The following DOCK3 variants were observed in gnomAD, a reference collection of about 807,000 sequenced individuals.
The protein encoded by DOCK3 is dedicator of cytokinesis 3.
DOCK3 carries 60 observed loss-of-function variants against 265.6 expected under a neutral mutation model. That is an observed-to-expected ratio of 0.23 (90% CI 0.18 to 0.28). The LOEUF (loss-of-function observed/expected upper bound fraction) is 0.28, where lower values mean the gene tolerates loss of function less well. Among genes scored for constraint, DOCK3 ranks in the 10% least tolerant of loss-of-function variants. DOCK3 has a pLI of 1.00. For synonymous variants in DOCK3, 881 were observed against 938.0 expected, an observed-to-expected ratio of 0.94 and a Z score of 1.11; for missense variants, 1,981 against 2,594.3, an observed-to-expected ratio of 0.76 and a Z score of 5.14.
intron 23 of DOCK3, among the ~76,000 whole-genome samples, chr3:51,263,059 A>T (rs1456565701): frequency 1.3e-5 from 2 of 152,226 alleles, no homozygotes; most frequent in Non-Finnish European, 2.9e-5. Flanking sequence ...AAATTCAGGA[A>T]ATACAGAGAA....
chr3:51,258,787 C>G (rs750163763), intron 22 of DOCK3, among the ~76,000 whole-genome samples: 1 of 152,178 alleles, frequency 6.6e-6, no homozygotes, highest in Non-Finnish European at 1.5e-5. Flanking sequence ...CTTAATCATA[C>G]AAAACCAAAA....
At chr3:50,776,877 T>A (rs1395420036) in intron 1 of DOCK3, among the ~76,000 whole-genome samples, 1 of 152,144 alleles carries the variant, frequency 6.6e-6, no homozygotes, top group Non-Finnish European at 1.5e-5. Context: ...TACCCAAGAC[T>A]GGGCAATTTA....
chr3:51,010,019 AG>A (rs1401166014), intron 5 of DOCK3, among the ~76,000 whole-genome samples: 2 of 152,198 alleles, frequency 1.3e-5, no homozygotes, highest in African/African-American at 4.8e-5. Context: ...ACATTTGCTG[AG>A]GAGTGCTTTA....
chr3:51,303,449 C>T (rs2082467976), intron 27 of DOCK3, among the ~76,000 whole-genome samples: 2 of 152,186 alleles, frequency 1.3e-5, no homozygotes, highest in East Asian at 3.8e-4. Flanking sequence ...GTTCTTTGCC[C>T]TTGCTGGAGA....
At chr3:51,224,533 G>A (rs540477653) in intron 14 of DOCK3, among the ~76,000 whole-genome samples, 23 of 152,274 alleles carry the variant, frequency 1.5e-4, no homozygotes, top group Middle Eastern at 3.4e-3. Flanking sequence ...ATGATTCCAG[G>A]TGGTAACATA....
At chr3:51,161,547 A>G (rs974994924) in intron 12 of DOCK3, among the ~76,000 whole-genome samples, 3 of 152,232 alleles carry the variant, frequency 2.0e-5, no homozygotes, top group African/African-American at 7.2e-5. Flanking sequence ...TAAGCTTCCC[A>G]GGTAATTCTG....
At chr3:50,989,885 T>C (rs900583503) in intron 5 of DOCK3, among the ~76,000 whole-genome samples, 1 of 151,670 alleles carries the variant, frequency 6.6e-6, no homozygotes, top group Non-Finnish European at 1.5e-5. Flanking sequence ...CAAAACCCAA[T>C]CCAAGGAAAA....
At chr3:50,797,421 G>A (rs1348687637) in intron 2 of DOCK3, among the ~76,000 whole-genome samples, 2 of 152,244 alleles carry the variant, frequency 1.3e-5, no homozygotes, top group East Asian at 1.9e-4. Flanking sequence ...TGCCCTGCAA[G>A]GCTCTGACTG....
chr3:50,705,602 A>T (rs759813828), intron 1 of DOCK3, among the ~76,000 whole-genome samples: 10 of 151,950 alleles, frequency 6.6e-5, no homozygotes, highest in Non-Finnish European at 1.3e-4. Context: ...TTTTTAGTAG[A>T]GATGGGGTTT....
At chr3:51,292,554 T>C (rs2081844541) in intron 27 of DOCK3, among the ~76,000 whole-genome samples, 1 of 152,156 alleles carries the variant, frequency 6.6e-6, no homozygotes, top group African/African-American at 2.4e-5. Flanking sequence ...GGAGGATCGC[T>C]TGAGCCCAGG....
At chr3:51,199,214 G>T (rs920280644) in intron 12 of DOCK3, among the ~76,000 whole-genome samples, 1 of 152,204 alleles carries the variant, frequency 6.6e-6, no homozygotes, top group Admixed American at 6.5e-5. Flanking sequence ...CACACCGTGC[G>T]TGAGCCAAAG....
chr3:51,308,957 G>A (rs1460932341), intron 27 of DOCK3, among the ~76,000 whole-genome samples: 3 of 151,924 alleles, frequency 2.0e-5, no homozygotes, highest in Non-Finnish European at 4.4e-5. Context: ...GGTCGCGGCC[G>A]GGCAGAGGTG....
At chr3:51,217,534 C>T (rs1403046127) in intron 14 of DOCK3, among the ~76,000 whole-genome samples, 1 of 152,168 alleles carries the variant, frequency 6.6e-6, no homozygotes, top group Non-Finnish European at 1.5e-5. Flanking sequence ...AAAAACTGAA[C>T]ATGTAACCTT....
intron 5 of DOCK3, among the ~76,000 whole-genome samples, chr3:51,020,704 CAATACCATTTATTA>C (rs1211100351): frequency 6.6e-6 from 1 of 151,852 alleles, no homozygotes; most frequent in Non-Finnish European, 1.5e-5. Context: ...CCAGTTCTCG[CAATACCATTTATTA>C]AATAGGGAAT....
At chr3:51,287,941 A>T (rs546154512) in intron 27 of DOCK3, among the ~76,000 whole-genome samples, 3 of 152,386 alleles carry the variant, frequency 2.0e-5, no homozygotes, top group African/African-American at 4.8e-5. Context: ...ACACGTTGGA[A>T]TACTACACAG....
intron 35 of DOCK3, among the ~76,000 whole-genome samples, chr3:51,336,281 C>T (rs2084865769): frequency 6.6e-6 from 1 of 151,878 alleles, no homozygotes; most frequent in African/African-American, 2.4e-5. Context: ...CATGAAGATT[C>T]TCACTGGTAG....
At chr3:51,088,957 A>AC (rs2082532017) in intron 7 of DOCK3, among the ~76,000 whole-genome samples, 1 of 152,144 alleles carries the variant, frequency 6.6e-6, no homozygotes. Context: ...AAAATTTAGT[A>AC]CCAGGCACCG....
intron 5 of DOCK3, among the ~76,000 whole-genome samples, chr3:51,041,408 G>A (rs779692136): frequency 6.6e-6 from 1 of 150,498 alleles, no homozygotes; most frequent in Non-Finnish European, 1.5e-5. Flanking sequence ...TAGTAGAGAC[G>A]GGGTTTCACT....
At chr3:50,770,689 T>C (rs2041218795) in intron 1 of DOCK3, among the ~76,000 whole-genome samples, 2 of 152,154 alleles carry the variant, frequency 1.3e-5, no homozygotes, top group African/African-American at 4.8e-5. Flanking sequence ...TGACTTCAGA[T>C]TATGCTACAT....
Sources: gnomAD v4.1 joint callset for allele counts (sites outside exome capture counted in the v4.1 genomes callset) on GRCh38, gnomAD v4.1.1 for gene constraint, MANE v1.5 for transcripts, NCBI Gene and HGNC (gene_info 2026-07-23, HGNC 2026-07-21) for gene names.